Variants in ATG2B observed in about 807,000 individuals in gnomAD.
The protein encoded by ATG2B is autophagy related 2B, also known as autophagy-related protein 2 homolog B.
ATG2B carries 121 observed loss-of-function variants against 241.3 expected under a neutral mutation model. The ratio of observed to expected loss-of-function variants is 0.50; its 90% CI spans 0.43 to 0.58. The LOEUF is 0.58. Ranked by LOEUF, ATG2B falls within the 20% of genes least tolerant of loss-of-function variation. The pLI is 0.00. For synonymous variants in ATG2B, 858 were observed against 876.6 expected (o/e 0.98, Z 0.37); for missense variants, 2,306 against 2,491.6 (o/e 0.93, Z 1.59).
Position 96,289,632 on chromosome 14 carries a change from G to A in ATG2B, c.6006+24C>T, listed in dbSNP as rs376093834. 1 of 1,613,486 alleles carries A rather than the reference G, an allele frequency of 6.2e-7. No individual in the cohort carries two copies. Among genetic ancestry groups the A allele is most frequent in the Non-Finnish European group, 8.5e-7 (1 of 1,179,678 alleles). On this transcript the variant is annotated intron_variant, in intron 41 of 41. Transcript: ENST00000359933. The surrounding 1 kb of genome is among the most constrained non-coding windows in gnomAD (Gnocchi z 4.3). Reference sequence around the variant, plus strand: ...GGAAAGCGCACAGAAGGGTTCTGATGTGTCCACCCAAGTATTCAGTTACCT... The same window carrying A: ...GGAAAGCGCACAGAAGGGTTCTGATATGTCCACCCAAGTATTCAGTTACCT...
At position 96,351,308 on chromosome 14, in the gene ATG2B, AG is replaced by A. The variant is rs544860078; in HGVS notation, c.163-3968del. On this transcript the variant is annotated intron_variant, in intron 1 of 41. Transcript: ENST00000359933. Reference sequence around the variant, plus strand: ...CATTAAGAAATTTATTTCCAGTAAAAGTTTTTATGTTTGCTGGGTACAGTGG... The same window carrying A: ...CATTAAGAAATTTATTTCCAGTAAAATTTTTATGTTTGCTGGGTACAGTGG... Among the ~76,000 whole-genome samples, 20 of 152,362 alleles carry A rather than the reference AG, an allele frequency of 1.3e-4. No homozygotes were observed. The South Asian group carries it at 3.9e-3, about 30-fold the overall frequency.
chr14:96,305,591 A>G lies in ATG2B; in HGVS notation c.4731T>C (p.Tyr1577=), dbSNP rs748983264. 6.9e-6 allele frequency: 11 copies of G among 1,601,246 alleles called. No homozygotes were observed. The highest frequency in any genetic ancestry group is 8.5e-6 in the Non-Finnish European group (10 of 1,169,774). Residue 1577 remains tyrosine (Y), a splice_region_variant and synonymous_variant, in exon 31 of 42, where the codon TAT becomes TAC. Transcript: ENST00000359933. ...IVPPTSPAKS[Y]ISPHSSPSHT... ...AACTTATATAGAAATTAACTTACAT[A>G]TAACTTTTAGCCGGAGAAGTGGGAG...
intron 36 of ATG2B, 31 bp from the exon 37 acceptor site, chr14:96,292,129 C>T (rs758061702): frequency 1.4e-6 from 2 of 1,412,174 alleles, no homozygotes; most frequent in Admixed American, 1.9e-5. Flanking sequence ...GAGTTATTTA[C>T]ATTTACAATT....
In ATG2B at chr14:96,290,671, T is replaced by TA; in HGVS notation, c.5702-82dup. The TA allele has an allele frequency of 6.4e-7, 1 of 1,573,634 alleles. No homozygotes were observed. Among genetic ancestry groups the TA allele is most frequent in the Non-Finnish European group, 8.6e-7 (1 of 1,158,330 alleles). On this transcript the variant is annotated intron_variant, in intron 39 of 41. Coordinates refer to ENST00000359933, the MANE Select transcript of ATG2B (RefSeq NM_018036.7). The surrounding 1 kb of genome is among the most constrained non-coding windows in gnomAD (Gnocchi z 4.4). ...TTCTAACCCTGGGGTTTTTAACTCC[T>TA]AAAACTGGAGGCAAAGTTTTGTGTA...
chr14:96,349,306 G>C (rs75594340), intron 1 of ATG2B, among the ~76,000 whole-genome samples: 1,550 of 152,366 alleles, frequency 0.01, 34 homozygotes, highest in African/African-American at 0.036. Flanking sequence ...CCAGAGACAA[G>C]GCTATGTAGA....
chr14:96,308,273 T>TATATATGTATAC (rs1887049187), intron 29 of ATG2B, among the ~76,000 whole-genome samples: 4 of 39,422 alleles, frequency 1.0e-4, no homozygotes, highest in Non-Finnish European at 1.5e-4. Flanking sequence ...TATATATATA[T>TATATATGTATAC]ATATATATAT....
In ATG2B at chr14:96,305,758, C is replaced by T; in HGVS notation, c.4564G>A (p.Asp1522Asn). 1 of 1,614,146 alleles carries T rather than the reference C, an allele frequency of 6.2e-7. No homozygotes were observed. The highest frequency in any genetic ancestry group is 8.5e-7 in the Non-Finnish European group (1 of 1,180,020). Residue 1522 changes from aspartate to asparagine, a missense_variant, in exon 31 of 42, where the codon GAC becomes AAC. Asp to Asn is a conservative substitution (Grantham distance 23, BLOSUM62 1). Transcript: ENST00000359933. ...TTAACGGGCAGACTGAAATAATTGT[C>T]TCTTATCACAATTGCATCATCAACC... ...IMVDDAIVIRDNYFSLPVNKT... is the reference protein window; with the variant it reads ...IMVDDAIVIRNNYFSLPVNKT...
intron 4 of ATG2B, among the ~76,000 whole-genome samples, chr14:96,343,735 G>A (rs72704894): frequency 0.2 from 30,813 of 152,134 alleles, 3,908 homozygotes; most frequent in Non-Finnish European, 0.27. Context: ...CACAAATGAC[G>A]TTTCTTGAAT....
rs150538996 is a variant in ATG2B, at chr14:96,301,998, G to A, written c.5139+9C>T. On this transcript the variant is annotated intron_variant, in intron 34 of 41. Coordinates refer to ENST00000359933, the MANE Select transcript of ATG2B (RefSeq NM_018036.7). ...CTGTAACGGCAGGAATCACGCTCAT[G>A]CTACAAACCTGGTCAATATTGAGGC... 1.1e-3 allele frequency: 1,732 copies of A among 1,605,280 alleles called. 19 individuals carry two copies. The African/African-American group carries it at 0.021, about 20-fold the overall frequency.
intron 1 of ATG2B, among the ~76,000 whole-genome samples, chr14:96,361,018 C>A (rs1290652035): frequency 6.6e-6 from 1 of 150,614 alleles, no homozygotes; most frequent in South Asian, 2.1e-4. Flanking sequence ...AAGGGTCACA[C>A]TAAGATTTAT....
At chr14:96,332,796 G>T in intron 8 of ATG2B, 141 bp from the exon 9 acceptor site, 1 of 529,540 alleles carries the variant, frequency 1.9e-6, no homozygotes, top group Non-Finnish European at 3.0e-6. Flanking sequence ...GTTACTTACA[G>T]TGGTGTAATT....
chr14:96,338,232 C>T (rs1488760092), intron 6 of ATG2B, among the ~76,000 whole-genome samples: 1 of 151,948 alleles, frequency 6.6e-6, no homozygotes, highest in East Asian at 1.9e-4. Context: ...CATAGGTGAA[C>T]AGCTATAGTT....
chr14:96,303,215 T>C lies in ATG2B; in HGVS notation c.4883A>G (p.Asp1628Gly), dbSNP rs1216796860. 21 of 1,608,966 alleles carry C rather than the reference T, an allele frequency of 1.3e-5. No individual in the cohort carries two copies. Among genetic ancestry groups the C allele is most frequent in the Non-Finnish European group, 1.7e-5 (20 of 1,177,554 alleles). ...QHEVYPPCKP[D>G]CDSSLSEHPV... is the part of the protein sequence containing the mutation. Reference sequence around the variant, plus strand: ...GTGTTCTGAGAGGCTGGAATCACAATCAGGTTTGCATGGCGGGTAGACTTC... The same window carrying C: ...GTGTTCTGAGAGGCTGGAATCACAACCAGGTTTGCATGGCGGGTAGACTTC... Residue 1628 changes from aspartate to glycine, a missense_variant, in exon 33 of 42, where the codon GAT (aspartate) becomes GGT (glycine). Around this residue, in one of 2 missense-constraint regions of ATG2B, gnomAD observed 1,927 missense variants for 2,011.2 expected, o/e 0.96. Coordinates refer to ENST00000359933, the MANE Select transcript of ATG2B (RefSeq NM_018036.7).
Position 96,281,922 on chromosome 14 carries a change from T to C in ATG2B, c.*3833A>G, listed in dbSNP as rs1442611479. 2 of 152,180 alleles carry C rather than the reference T, an allele frequency of 1.3e-5. No individual in the cohort carries two copies. Among genetic ancestry groups the C allele is most frequent in the African/African-American group, 4.8e-5 (2 of 41,440 alleles). 9.4% of individuals were successfully genotyped at this position (152,180 alleles called of 1,614,324 possible). ...TCCCCAAAGAAGCCTATTACGGTAG[T>C]GTGTTGGATGCTTTTTGTATCTCTG... On this transcript the variant is annotated 3_prime_UTR_variant, in exon 42 of 42. Coordinates refer to ENST00000359933, the MANE Select transcript of ATG2B (RefSeq NM_018036.7).
intron 36 of ATG2B, among the ~76,000 whole-genome samples, chr14:96,294,153 A>G (rs1886564907): frequency 6.6e-6 from 1 of 152,226 alleles, no homozygotes; most frequent in Non-Finnish European, 1.5e-5. Context: ...TCCAATTAGT[A>G]ATACTGCTGA....
intron 36 of ATG2B, among the ~76,000 whole-genome samples, chr14:96,294,329 C>T (rs916357070): frequency 1.3e-5 from 2 of 152,196 alleles, no homozygotes; most frequent in African/African-American, 2.4e-5. Flanking sequence ...TAGGGCCAAG[C>T]CACCATCCCT....
intron 1 of ATG2B, among the ~76,000 whole-genome samples, chr14:96,355,647 CT>C (rs1888452472): frequency 1.3e-5 from 2 of 152,030 alleles, no homozygotes; most frequent in South Asian, 2.1e-4. Context: ...TAAGCAAACA[CT>C]TTTTAAATGC....
At chr14:96,357,008 A>G (rs1427726654) in intron 1 of ATG2B, among the ~76,000 whole-genome samples, 1 of 152,134 alleles carries the variant, frequency 6.6e-6, no homozygotes, top group Non-Finnish European at 1.5e-5. Flanking sequence ...TGTTCCCCCT[A>G]GCCATCAACC....
intron 23 of ATG2B, 54 bp from the exon 24 acceptor site, chr14:96,313,489 T>C: frequency 1.1e-6 from 1 of 920,366 alleles, no homozygotes; most frequent in East Asian, 2.6e-5. Flanking sequence ...AAAGGTTTCA[T>C]ATAATATCCT....
Sources: allele counts gnomAD v4.1 joint callset (sites outside exome capture counted in the v4.1 genomes callset), GRCh38; gene constraint gnomAD v4.1.1; regional missense constraint gnomAD v4.1.1; non-coding constraint Gnocchi (gnomAD v3.1); transcripts MANE v1.5; gene names NCBI Gene and HGNC (gene_info 2026-07-23, HGNC 2026-07-21).